The following CEP170 variants were observed in gnomAD, a reference collection of about 807,000 sequenced individuals.
The protein encoded by CEP170 is centrosomal protein of 170 kDa.
A neutral mutation model predicts 151.9 loss-of-function variants in CEP170; 21 were observed. That is an observed-to-expected ratio of 0.14 (90% CI 0.10 to 0.20). The LOEUF is 0.20. CEP170 is among the 10% of genes least tolerant of loss of function. The pLI is 1.00. For missense variants in CEP170, 964 were observed against 1,892.9 expected, an observed-to-expected ratio of 0.51 and a Z score of 9.11; for synonymous variants, 356 against 648.8, an observed-to-expected ratio of 0.55 and a Z score of 6.86.
Position 243,146,765 on chromosome 1 carries a change from C to A in CEP170, c.3912-4302G>T, listed in dbSNP as rs190790638. 2.1e-3 allele frequency among the ~76,000 whole-genome samples: 316 copies of A among 151,950 alleles called. 2 individuals are homozygous for A. The highest frequency in any genetic ancestry group is 7.3e-3 in the African/African-American group (302 of 41,446). The stretch of plus-strand genomic sequence containing the variant: ...CAGGAAAAAGTACACTTGTAAGAGA[C>A]CCTATACTAGCACACAGAGGCGGTA... On this transcript the variant is annotated intron_variant, in intron 14 of 19. Transcript: ENST00000366542.
intron 1 of CEP170, among the ~76,000 whole-genome samples, chr1:243,227,894 C>G (rs573278252): frequency 2.6e-5 from 4 of 152,280 alleles, no homozygotes; most frequent in African/African-American, 9.6e-5. Flanking sequence ...GGAATAAGCC[C>G]TGGAGTCATA....
intron 17 of CEP170, among the ~76,000 whole-genome samples, chr1:243,135,235 C>T (rs2054911570): frequency 1.3e-5 from 2 of 152,130 alleles, no homozygotes; most frequent in Non-Finnish European, 2.9e-5. Flanking sequence ...GAGACAGAGT[C>T]TCACTCTGTT....
chr1:243,165,367 AAGG>A lies in CEP170; in HGVS notation c.2590_2592del (p.Pro864del), dbSNP rs576774461. On this transcript the variant is annotated inframe_deletion, in exon 13 of 20. Transcript: ENST00000366542. Reference sequence around the variant, plus strand: ...CTTGCAGATGTTAATGCTAAAGAAGAAGGAGTAGAGGAAGTCTGTTTATTTATA... The same window carrying A: ...CTTGCAGATGTTAATGCTAAAGAAGAAGTAGAGGAAGTCTGTTTATTTATA... The A allele has an allele frequency of 2.5e-4, 393 of 1,542,582 alleles. 1 individual carries two copies. The African/African-American group carries it at 4.3e-3, about 17-fold the overall frequency.
Position 243,251,333 on chromosome 1 carries a change from A to C in CEP170, c.-42+3707T>G, listed in dbSNP as rs528761734. 6.6e-5 allele frequency among the ~76,000 whole-genome samples: 10 copies of C among 152,324 alleles called. No homozygotes were observed. The South Asian group carries it at 1.9e-3, about 28-fold the overall frequency. The stretch of plus-strand genomic sequence containing the variant: ...AAAATTTTATGAACCAGAGTAAGGA[A>C]ATAAGTGGTACCCTTTAACTTACTA... On this transcript the variant is annotated intron_variant, in intron 1 of 19. Coordinates refer to ENST00000366542, the MANE Select transcript of CEP170 (RefSeq NM_014812.3).
intron 10 of CEP170, among the ~76,000 whole-genome samples, chr1:243,177,168 G>A (rs1053798770): frequency 2.6e-4 from 39 of 152,144 alleles, no homozygotes; most frequent in African/African-American, 9.2e-4. Context: ...CATCAGATAC[G>A]GGAAGCTTGC....
chr1:243,145,887 A>C (rs1319200990), intron 14 of CEP170, among the ~76,000 whole-genome samples: 1 of 152,214 alleles, frequency 6.6e-6, no homozygotes, highest in Non-Finnish European at 1.5e-5. Flanking sequence ...GTTTAAGGAG[A>C]GACATTTAAG....
chr1:243,158,048 A>G (rs1405833103), intron 13 of CEP170, among the ~76,000 whole-genome samples: 4 of 152,348 alleles, frequency 2.6e-5, no homozygotes, highest in African/African-American at 9.6e-5. Flanking sequence ...TTATTAACAT[A>G]GATAATACTT....
chr1:243,172,257 G>C (rs1010843773), intron 11 of CEP170, among the ~76,000 whole-genome samples: 1 of 152,110 alleles, frequency 6.6e-6, no homozygotes, highest in Non-Finnish European at 1.5e-5. Flanking sequence ...GCTTTCATTA[G>C]AAAATAAATT....
chr1:243,247,601 G>A (rs1197293044), intron 1 of CEP170, among the ~76,000 whole-genome samples: 1 of 152,064 alleles, frequency 6.6e-6, no homozygotes, highest in Non-Finnish European at 1.5e-5. Flanking sequence ...TGATCCACCC[G>A]CTTCGGCCTC....
chr1:243,129,109 A>G lies in CEP170; in HGVS notation c.4413+251T>C, dbSNP rs187485859. On this transcript the variant is annotated intron_variant, in intron 18 of 19. Coordinates refer to ENST00000366542, the MANE Select transcript of CEP170 (RefSeq NM_014812.3). The stretch of plus-strand genomic sequence containing the variant: ...TTCTCTTTAAAAATTTCATGTTTCT[A>G]ATGTTTAATTATTACAAGAACAATC... Among the ~76,000 whole-genome samples the G allele has an allele frequency of 5.3e-4, 81 of 152,274 alleles. No individual in the cohort carries two copies. The East Asian group carries it at 0.012, about 22-fold the overall frequency.
At chr1:243,240,200 C>T (rs960358621) in intron 1 of CEP170, among the ~76,000 whole-genome samples, 1 of 152,152 alleles carries the variant, frequency 6.6e-6, no homozygotes, top group Non-Finnish European at 1.5e-5. Flanking sequence ...ATCCCAGCTA[C>T]TCAGGAGGCT....
chr1:243,200,706 G>A, intron 5 of CEP170, 26 bp from the exon 6 acceptor site: 1 of 1,591,440 alleles, frequency 6.3e-7, no homozygotes, highest in Non-Finnish European at 8.5e-7. Context: ...AAATGGAAGT[G>A]AAACATCAAG....
At chr1:243,190,660 C>T (rs1489360898) in intron 8 of CEP170, among the ~76,000 whole-genome samples, 2 of 152,080 alleles carry the variant, frequency 1.3e-5, no homozygotes, top group African/African-American at 2.4e-5. Flanking sequence ...CAATAGAGAA[C>T]AGAATTGAAT....
intron 2 of CEP170, among the ~76,000 whole-genome samples, chr1:243,224,362 G>A (rs2063059611): frequency 6.6e-6 from 1 of 151,828 alleles, no homozygotes; most frequent in Non-Finnish European, 1.5e-5. Flanking sequence ...TTATAGCAAG[G>A]GTGTCCAATC....
intron 3 of CEP170, among the ~76,000 whole-genome samples, chr1:243,217,261 G>T (rs1223932268): frequency 6.6e-6 from 1 of 152,140 alleles, no homozygotes; most frequent in African/African-American, 2.4e-5. Flanking sequence ...GCAAAAGAAT[G>T]AAAGAAAATG....
intron 14 of CEP170, among the ~76,000 whole-genome samples, chr1:243,145,163 C>T (rs2056317684): frequency 1.3e-5 from 2 of 151,614 alleles, no homozygotes; most frequent in African/African-American, 4.9e-5. Context: ...CAATTAAACA[C>T]ACAATCTTTG....
chr1:243,199,349 T>G (rs2060872594), intron 6 of CEP170, among the ~76,000 whole-genome samples, 155 bp from the exon 7 acceptor site: 1 of 152,214 alleles, frequency 6.6e-6, no homozygotes, highest in Non-Finnish European at 1.5e-5. Flanking sequence ...TAACTCGGTA[T>G]TTGTGGAAGA....
chr1:243,167,249 C>T (rs942871808), intron 12 of CEP170, among the ~76,000 whole-genome samples: 5 of 151,790 alleles, frequency 3.3e-5, no homozygotes, highest in Non-Finnish European at 7.4e-5. Flanking sequence ...GTGAAAAATG[C>T]AGAACTTTTA....
chr1:243,157,510 T>C (rs570538170), intron 13 of CEP170, among the ~76,000 whole-genome samples: 1 of 152,282 alleles, frequency 6.6e-6, no homozygotes, highest in East Asian at 1.9e-4. Context: ...CAAATATTTT[T>C]GAAAAAAATG....
Sources: gnomAD v4.1 joint callset for allele counts (sites outside exome capture counted in the v4.1 genomes callset) on GRCh38, gnomAD v4.1.1 for gene constraint, MANE v1.5 for transcripts, NCBI Gene and HGNC (gene_info 2026-07-23, HGNC 2026-07-21) for gene names.